TMCO4: variants seen among roughly 807,000 people sequenced by gnomAD.
TMCO4 encodes the protein transmembrane and coiled-coil domains 4.
Under a neutral mutation model 64.7 loss-of-function variants are expected in TMCO4, and 58 were observed. The observed-to-expected ratio is 0.90, with a 90% CI of 0.73 to 1.12. TMCO4 has a LOEUF of 1.12. TMCO4 is among the 50% of genes most tolerant of loss of function. The pLI is 0.00. For missense variants in TMCO4, 780 were observed against 825.9 expected (o/e 0.94, Z 0.68); for synonymous variants, 325 against 346.1 (o/e 0.94, Z 0.68).
At chr1:19,780,498 C>T (rs1571012318) in intron 4 of TMCO4, 82 bp downstream of exon 4, 4 of 1,485,004 alleles carry the variant, frequency 2.7e-6, no homozygotes, top group African/African-American at 1.4e-5. Context: ...ATTGCCTCAT[C>T]GTGCCTGGCA....
chr1:19,691,598 C>T (rs11581014), intron 15 of TMCO4, among the ~76,000 whole-genome samples: 96,505 of 151,876 alleles, frequency 0.64, 30,968 homozygotes, highest in Non-Finnish European at 0.66. Flanking sequence ...CATTGAGATG[C>T]AGTGGTGGAG....
chr1:19,760,556 A>T (rs2042453525), intron 6 of TMCO4, among the ~76,000 whole-genome samples: 1 of 152,204 alleles, frequency 6.6e-6, no homozygotes, highest in Non-Finnish European at 1.5e-5. Flanking sequence ...AGTTGGGACT[A>T]CAGGCATGTG....
rs75286298 is a variant in TMCO4, at chr1:19,751,559, T to C, written c.515+4075A>G. Among the ~76,000 whole-genome samples the C allele has an allele frequency of 9.1e-3, 1,385 of 152,292 alleles. 12 individuals are homozygous for C. Among genetic ancestry groups the C allele is most frequent in the Non-Finnish European group, 0.014 (931 of 68,026 alleles). On this transcript the variant is annotated intron_variant, in intron 7 of 15. Coordinates refer to ENST00000294543, the MANE Select transcript of TMCO4 (RefSeq NM_181719.7). The stretch of plus-strand genomic sequence containing the variant: ...CTGCAGTGAGCCTCTGCTGCAGTGA[T>C]CATGCCACTGCACTCCAGTCTGGGT...
intron 5 of TMCO4, 92 bp downstream of exon 5, chr1:19,771,216 C>G (rs1005202409): frequency 7.2e-7 from 1 of 1,397,944 alleles, no homozygotes; most frequent in African/African-American, 1.4e-5. Flanking sequence ...TCCAACTGCT[C>G]CACCCCACTA....
intron 4 of TMCO4, among the ~76,000 whole-genome samples, chr1:19,779,782 G>A (rs77281326): frequency 9.8e-4 from 150 of 152,308 alleles, no homozygotes; most frequent in Middle Eastern, 3.4e-3. Flanking sequence ...CATGTTTCAT[G>A]AATGAATAAA....
At chr1:19,718,550 G>A (rs2095367010) in intron 13 of TMCO4, among the ~76,000 whole-genome samples, 1 of 150,238 alleles carries the variant, frequency 6.7e-6, no homozygotes, top group African/African-American at 2.5e-5. Context: ...CTATTTGGGA[G>A]GCTGCAGTGG....
intron 15 of TMCO4, among the ~76,000 whole-genome samples, chr1:19,689,204 T>G (rs562404830): frequency 6.6e-6 from 1 of 152,276 alleles, no homozygotes; most frequent in African/African-American, 2.4e-5. Flanking sequence ...CAGCAAAGCA[T>G]TTTCAAGGAA....
At chr1:19,692,747 C>T in intron 15 of TMCO4, among the ~76,000 whole-genome samples, 2 of 151,150 alleles carry the variant, frequency 1.3e-5, no homozygotes, top group East Asian at 4.0e-4. Flanking sequence ...AACTCCACCT[C>T]AAAAATATAA....
intron 13 of TMCO4, among the ~76,000 whole-genome samples, chr1:19,715,851 C>T (rs1234591116): frequency 2.6e-5 from 4 of 152,148 alleles, no homozygotes. Context: ...CAAGAGCTTC[C>T]TACAATGCCA....
At chr1:19,757,531 C>T (rs2042320550) in intron 6 of TMCO4, among the ~76,000 whole-genome samples, 1 of 152,148 alleles carries the variant, frequency 6.6e-6, no homozygotes, top group Non-Finnish European at 1.5e-5. Context: ...TGTAGGGTAA[C>T]ATATTCACAG....
In TMCO4 at chr1:19,734,640, G is replaced by A. The variant is rs983907014; in HGVS notation, c.1264+2732C>T. Among the ~76,000 whole-genome samples, 2 of 152,016 alleles carry A rather than the reference G, an allele frequency of 1.3e-5. No individual in the cohort carries two copies. Among genetic ancestry groups the A allele is most frequent in the Non-Finnish European group, 2.9e-5 (2 of 67,982 alleles). On this transcript the variant is annotated intron_variant, in intron 13 of 15. Transcript: ENST00000294543. The surrounding 1 kb of genome is among the most constrained non-coding windows in gnomAD (Gnocchi z 4.4). ...TACGTGGGCTGCAGAGACACCAGAT[G>A]CCACCGTTTCTAGACACCCCTGAGA... is the stretch of plus-strand genomic sequence containing the variant.
chr1:19,686,751 C>T (rs2095152460), intron 15 of TMCO4, among the ~76,000 whole-genome samples: 1 of 152,160 alleles, frequency 6.6e-6, no homozygotes, highest in African/African-American at 2.4e-5. Flanking sequence ...GCTGGGGTAC[C>T]AGCCTTGGCT....
In TMCO4 at chr1:19,694,458, C is replaced by T. The variant is rs2095221260; in HGVS notation, c.1476G>A (p.Val492=). The part of the protein sequence containing the change: ...LQPVLLQDRR[V]ENVDLTSVVS... ...CCACAGAGGTCAGGTCCACGTTCTC[C>T]ACCCTCCTGTCCTGCAGCAGCACGG... Residue 492 remains valine (V), a synonymous_variant, in exon 15 of 16, where the codon GTG becomes GTA. Transcript: ENST00000294543. 1 of 1,613,986 alleles carries T rather than the reference C, an allele frequency of 6.2e-7. No individual in the cohort carries two copies. Among genetic ancestry groups the T allele is most frequent in the African/African-American group, 1.3e-5 (1 of 74,944 alleles).
rs369721485 is a variant in TMCO4 at position 19,683,105 on chromosome 1, G to A, written c.1840C>T (p.Pro614Ser). The stretch of plus-strand genomic sequence containing the variant: ...CAATCGGGGCAGCCCAGTGGGTTGG[G>A]GTCCATGCCATGGCTGCAGATGGGG... ...RPPICSHGMD[P>S]NPLGCPDCAC... Residue 614 changes from proline to serine, a missense_variant, in exon 16 of 16, where the codon CCC becomes TCC. Coordinates refer to ENST00000294543, the MANE Select transcript of TMCO4 (RefSeq NM_181719.7). 5.0e-6 allele frequency: 8 copies of A among 1,612,260 alleles called. No homozygotes were observed. Among genetic ancestry groups the A allele is most frequent in the Non-Finnish European group, 6.8e-6 (8 of 1,179,218 alleles).
intron 1 of TMCO4, among the ~76,000 whole-genome samples, chr1:19,798,969 C>G (rs1335673587): frequency 6.6e-6 from 1 of 152,256 alleles, no homozygotes; most frequent in African/African-American, 2.4e-5. Context: ...ACTCCTACTT[C>G]GAGTTAGGTA....
At chr1:19,711,197 CAGA>C (rs2095329294) in intron 13 of TMCO4, among the ~76,000 whole-genome samples, 1 of 152,252 alleles carries the variant, frequency 6.6e-6, no homozygotes, top group Admixed American at 6.5e-5. Context: ...CTGCACTTCA[CAGA>C]TATTACGTGT....
At chr1:19,695,402 C>T (rs1440785539) in intron 14 of TMCO4, among the ~76,000 whole-genome samples, 1 of 152,256 alleles carries the variant, frequency 6.6e-6, no homozygotes, top group African/African-American at 2.4e-5. Context: ...GCCCTCGGGC[C>T]TTGCCGCCCA....
chr1:19,767,735 T>C (rs115791942), intron 6 of TMCO4, among the ~76,000 whole-genome samples: 2,369 of 152,268 alleles, frequency 0.016, 65 homozygotes, highest in African/African-American at 0.054. Context: ...AGTCTACCTC[T>C]GCTGCTGTGT....
rs1392661566 is a variant in TMCO4, at chr1:19,691,999, T to C, written c.1500+2435A>G. Among the ~76,000 whole-genome samples, 5 of 152,222 alleles carry C rather than the reference T, an allele frequency of 3.3e-5. No individual in the cohort carries two copies. The East Asian group carries it at 9.6e-4, about 29-fold the overall frequency. On this transcript the variant is annotated intron_variant, in intron 15 of 15. Transcript: ENST00000294543. Reference sequence around the variant, plus strand: ...TGCCTTTCACCTTCCGCCATGATTGTGAGGCCTCCCCAGCCACGTGAAATT... The same window carrying C: ...TGCCTTTCACCTTCCGCCATGATTGCGAGGCCTCCCCAGCCACGTGAAATT...
Sources: allele counts gnomAD v4.1 joint callset (sites outside exome capture counted in the v4.1 genomes callset), GRCh38; gene constraint gnomAD v4.1.1; non-coding constraint Gnocchi (gnomAD v3.1); transcripts MANE v1.5; gene names NCBI Gene and HGNC (gene_info 2026-07-23, HGNC 2026-07-21).